The following UBR3 variants were observed in gnomAD, a reference collection of about 807,000 sequenced individuals.
UBR3 encodes the protein ubiquitin protein ligase E3 component n-recognin 3.
In UBR3, 85 loss-of-function variants were observed where a neutral mutation model predicts 243.2. The observed-to-expected ratio is 0.35, with a 90% CI of 0.29 to 0.42. The LOEUF (loss-of-function observed/expected upper bound fraction) is 0.42. UBR3 is among the 10% of genes least tolerant of loss of function. UBR3 has a pLI of 1.00. For synonymous variants in UBR3, 748 were observed against 799.8 expected (o/e 0.94, Z 1.09); for missense variants, 1,686 against 2,300.8 (o/e 0.73, Z 5.47).
chr2:170,070,811 A>G (rs2091681197), intron 35 of UBR3, among the ~76,000 whole-genome samples: 1 of 152,182 alleles, frequency 6.6e-6, no homozygotes, highest in Admixed American at 6.5e-5. Context: ...ACTGAATTGT[A>G]TATATTAAAA....
intron 17 of UBR3, 123 bp from the exon 18 acceptor site, chr2:169,928,604 G>A: frequency 1.5e-6 from 1 of 679,484 alleles, no homozygotes. Flanking sequence ...CTTGTGGCCA[G>A]CTTTGTATAT....
chr2:170,014,193 C>A, intron 29 of UBR3: 1 of 156,732 alleles, frequency 6.4e-6, no homozygotes, highest in Non-Finnish European at 1.4e-5. Context: ...TATTCTTTAA[C>A]AATTTGCATT....
intron 35 of UBR3, among the ~76,000 whole-genome samples, chr2:170,069,603 C>G (rs2091653388): frequency 6.6e-6 from 1 of 151,862 alleles, no homozygotes; most frequent in Non-Finnish European, 1.5e-5. Flanking sequence ...TCTCCCAGAC[C>G]CTGGCAACCA....
At chr2:169,920,897 T>G (rs991945117) in intron 11 of UBR3, among the ~76,000 whole-genome samples, 1 of 152,136 alleles carries the variant, frequency 6.6e-6, no homozygotes, top group Non-Finnish European at 1.5e-5. Context: ...GGGAAGGTTG[T>G]GAGCTAGGCA....
chr2:169,932,459 T>C (rs573342896), intron 18 of UBR3, among the ~76,000 whole-genome samples: 1 of 152,280 alleles, frequency 6.6e-6, no homozygotes, highest in Non-Finnish European at 1.5e-5. Context: ...AAATGAGGTC[T>C]GTCTTTGTTG....
intron 31 of UBR3, among the ~76,000 whole-genome samples, chr2:170,034,403 C>T (rs916615113): frequency 2.0e-5 from 3 of 151,928 alleles, no homozygotes; most frequent in Non-Finnish European, 2.9e-5. Flanking sequence ...TTACCTTTTC[C>T]GGAATGTCAT....
chr2:170,001,207 T>G (rs974913913), intron 26 of UBR3, 97 bp from the exon 27 acceptor site: 1 of 809,462 alleles, frequency 1.2e-6, no homozygotes, highest in Non-Finnish European at 1.9e-6. Context: ...AATATAAAAA[T>G]AGGAAATCAT....
At chr2:169,846,039 G>C (rs1443982112) in intron 1 of UBR3, among the ~76,000 whole-genome samples, 1 of 152,088 alleles carries the variant, frequency 6.6e-6, no homozygotes, top group African/African-American at 2.4e-5. Context: ...ATTCTGTTGT[G>C]GGGTGTAGTG....
intron 6 of UBR3, among the ~76,000 whole-genome samples, chr2:169,894,322 G>GGA (rs1241509106): frequency 3.8e-5 from 3 of 78,244 alleles, no homozygotes; most frequent in East Asian, 8.4e-4. Context: ...TGACTCTTAA[G>GGA]AAAAAAAAAA....
At chr2:169,854,427 T>C (rs1478147188) in intron 1 of UBR3, among the ~76,000 whole-genome samples, 1 of 152,226 alleles carries the variant, frequency 6.6e-6, no homozygotes, top group Non-Finnish European at 1.5e-5. Context: ...GTTTAGGTTT[T>C]TGTAAAGTGG....
intron 25 of UBR3, among the ~76,000 whole-genome samples, chr2:169,991,343 CTT>C (rs1176579091): frequency 6.6e-6 from 1 of 152,094 alleles, no homozygotes; most frequent in African/African-American, 2.4e-5. Context: ...ACCTAACAGA[CTT>C]ATATAGAACA....
intron 10 of UBR3, among the ~76,000 whole-genome samples, chr2:169,908,536 A>G (rs2085109089): frequency 6.6e-6 from 1 of 152,216 alleles, no homozygotes; most frequent in Non-Finnish European, 1.5e-5. Context: ...AGTTTTTGGT[A>G]CTGAACCAAA....
At chr2:169,996,359 TC>T (rs2089476352) in intron 26 of UBR3, among the ~76,000 whole-genome samples, 1 of 152,208 alleles carries the variant, frequency 6.6e-6, no homozygotes, top group African/African-American at 2.4e-5. Flanking sequence ...AATTTCCTCA[TC>T]TGTAAAATAG....
chr2:169,844,007 CT>C (rs11421686), intron 1 of UBR3, among the ~76,000 whole-genome samples: 5,950 of 134,010 alleles, frequency 0.044, 125 homozygotes, highest in Middle Eastern at 0.07. Flanking sequence ...TTTCTCTTTA[CT>C]TTTTTTTTTT....
chr2:170,020,551 C>T (rs2090361739), intron 30 of UBR3, among the ~76,000 whole-genome samples: 1 of 152,182 alleles, frequency 6.6e-6, no homozygotes, highest in Non-Finnish European at 1.5e-5. Context: ...TGCTCTGTCT[C>T]CTGACAGATG....
intron 2 of UBR3, among the ~76,000 whole-genome samples, chr2:169,874,821 G>T (rs1005347544): frequency 7.9e-5 from 12 of 152,088 alleles, no homozygotes; most frequent in Admixed American, 7.9e-4. Flanking sequence ...TGGGCACACA[G>T]GTTCTCCATT....
intron 24 of UBR3, among the ~76,000 whole-genome samples, chr2:169,978,177 T>G (rs573600830): frequency 6.6e-6 from 1 of 152,302 alleles, no homozygotes; most frequent in East Asian, 1.9e-4. Flanking sequence ...GCTCCGCCTA[T>G]TCTCATTTTC....
chr2:169,920,760 G>C (rs11692133), intron 11 of UBR3, among the ~76,000 whole-genome samples: 5 of 152,054 alleles, frequency 3.3e-5, no homozygotes, highest in South Asian at 4.1e-4. Flanking sequence ...TTGCTCAAGC[G>C]GGGGTAGATG....
chr2:170,042,861 A>C (rs2091002134), intron 32 of UBR3, among the ~76,000 whole-genome samples: 1 of 151,890 alleles, frequency 6.6e-6, no homozygotes, highest in South Asian at 2.1e-4. Flanking sequence ...GGGGGGTTAG[A>C]CTGTGTCTGC....
Sources: allele counts gnomAD v4.1 joint callset (sites outside exome capture counted in the v4.1 genomes callset), GRCh38; gene constraint gnomAD v4.1.1; transcripts MANE v1.5; gene names NCBI Gene and HGNC (gene_info 2026-07-23, HGNC 2026-07-21).